Variants in NMT2 observed in about 807,000 individuals in gnomAD.
NMT2 encodes N-myristoyltransferase 2, also known as glycylpeptide N-tetradecanoyltransferase 2.
Under a neutral mutation model 65.4 loss-of-function variants are expected in NMT2, and 35 were observed. That is an observed-to-expected ratio of 0.54 (90% confidence interval 0.41 to 0.71). NMT2 has a LOEUF of 0.71. Among genes scored for constraint, NMT2 ranks in the 30% least tolerant of loss-of-function variants. The pLI is 0.00. For missense variants in NMT2, 489 were observed against 611.3 expected (o/e 0.80, Z 2.11); for synonymous variants, 226 against 231.8 (o/e 0.98, Z 0.23).
Position 15,138,257 on chromosome 10 carries a change from C to T in NMT2, c.247-2839G>A, listed in dbSNP as rs112993810. The T allele has an allele frequency of 6.6e-3, 2,781 of 424,324 alleles. 55 individuals are homozygous for T. The highest frequency in any genetic ancestry group is 0.049 in the African/African-American group (2,443 of 49,582). 26.3% of individuals were successfully genotyped at this position (424,324 alleles called of 1,614,324 possible). A position where few individuals can be genotyped will look rare whatever the true frequency, so the allele number is the denominator to read the frequency against. ...AACTCCTGACATCAAGTGATCTGCC[C>T]GCCTTGGCCTCCCAAAATGTGGTGA... On this transcript the variant is annotated intron_variant, in intron 2 of 11. Transcript: ENST00000378165.
rs1286631340 is a variant in NMT2 at position 15,107,984 on chromosome 10, AGAG to A, written c.*1208_*1210del. 4.1e-6 allele frequency: 4 copies of A among 985,558 alleles called. No individual in the cohort carries two copies. Among genetic ancestry groups the A allele is most frequent in the Non-Finnish European group, 4.8e-6 (4 of 829,808 alleles). The allele number at this position is 985,558 out of a possible 1,614,324, so 61.1% of individuals were successfully genotyped here. ...ACAGTTTTCATGATAAAATCAGCAT[AGAG>A]GAGTATGTGCAATTTTGCATAAGTA... On this transcript the variant is annotated 3_prime_UTR_variant, in exon 12 of 12. Transcript: ENST00000378165.
chr10:15,119,619 C>T (rs890914238), intron 8 of NMT2, 106 bp from the exon 9 acceptor site: 9 of 877,756 alleles, frequency 1.0e-5, no homozygotes, highest in South Asian at 4.7e-5. Flanking sequence ...GAGCAGCACG[C>T]GGGAGCTAGT....
rs912055718 is a variant in NMT2, at chr10:15,133,101, T to A, written c.554A>T (p.Asp185Val). ...GTCAAATCGGAACATATTGTCATCATCTTCTACGTAATTCTCATTTAACAA... is the reference window on the plus strand; with the variant it reads ...GTCAAATCGGAACATATTGTCATCAACTTCTACGTAATTCTCATTTAACAA... ...YTLLNENYVE[D>V]DDNMFRFDYS... Residue 185 changes from aspartate to valine, a missense_variant, in exon 5 of 12, where the codon GAT becomes GTT. Coordinates refer to ENST00000378165, the MANE Select transcript of NMT2 (RefSeq NM_004808.3). 1 of 1,614,160 alleles carries A rather than the reference T, an allele frequency of 6.2e-7. No individual in the cohort carries two copies. The highest frequency in any genetic ancestry group is 8.5e-7 in the Non-Finnish European group (1 of 1,179,970).
intron 6 of NMT2, among the ~76,000 whole-genome samples, chr10:15,131,077 C>T (rs1029648248): frequency 6.6e-6 from 1 of 151,896 alleles, no homozygotes; most frequent in Non-Finnish European, 1.5e-5. Flanking sequence ...CGTGAACCAC[C>T]CACCGCACCT....
At chr10:15,123,221 T>C (rs1202884731) in intron 8 of NMT2, among the ~76,000 whole-genome samples, 1 of 152,166 alleles carries the variant, frequency 6.6e-6, no homozygotes, top group African/African-American at 2.4e-5. Flanking sequence ...AATATTTACA[T>C]TTGCTGACTA....
rs576569153 is a variant in NMT2, at chr10:15,127,242, A to T, written c.999+1108T>A. On this transcript the variant is annotated intron_variant, in intron 8 of 11. Coordinates refer to ENST00000378165, the MANE Select transcript of NMT2 (RefSeq NM_004808.3). The stretch of plus-strand genomic sequence containing the variant: ...AGAGCGAGACTCTGTCTCAAAAAAT[A>T]AAAAAATAAAAAAAATAACTTTTCG... Among the ~76,000 whole-genome samples, 171 of 146,142 alleles carry T rather than the reference A, an allele frequency of 1.2e-3. 1 individual carries two copies. Among genetic ancestry groups the T allele is most frequent in the African/African-American group, 2.4e-3 (95 of 39,474 alleles).
chr10:15,166,973 G>A (rs959967849), intron 1 of NMT2, among the ~76,000 whole-genome samples: 2 of 152,150 alleles, frequency 1.3e-5, no homozygotes, highest in Admixed American at 1.3e-4. Flanking sequence ...TTACAGCAGA[G>A]AAGATAAAAG....
In NMT2 at chr10:15,105,995, G is replaced by T; in HGVS notation, c.*3200C>A. 1 of 419,224 alleles carries T rather than the reference G, an allele frequency of 2.4e-6. No homozygotes were observed. The highest frequency in any genetic ancestry group is 4.7e-6 in the Non-Finnish European group (1 of 212,450). 26.0% of individuals were successfully genotyped at this position (419,224 alleles called of 1,614,324 possible). A position where few individuals can be genotyped will look rare whatever the true frequency, so the allele number is the denominator to read the frequency against. ...AAAGTTTCCAACTGGCAATGCTGCAGTTATTTATTTTACTTTCGAGATAGA... is the reference window on the plus strand; with the variant it reads ...AAAGTTTCCAACTGGCAATGCTGCATTTATTTATTTTACTTTCGAGATAGA... On this transcript the variant is annotated 3_prime_UTR_variant, in exon 12 of 12. Coordinates refer to ENST00000378165, the MANE Select transcript of NMT2 (RefSeq NM_004808.3).
At chr10:15,156,144 T>C (rs1289705775) in intron 1 of NMT2, among the ~76,000 whole-genome samples, 3 of 152,142 alleles carry the variant, frequency 2.0e-5, no homozygotes, top group Non-Finnish European at 1.5e-5. Context: ...CATCCAAATC[T>C]CATATTGAAC....
intron 2 of NMT2, among the ~76,000 whole-genome samples, chr10:15,136,302 A>C (rs533602513): frequency 6.1e-5 from 9 of 148,642 alleles, no homozygotes; most frequent in African/African-American, 2.2e-4. Context: ...GAGAGAGAGA[A>C]GGAGAGAGAA....
chr10:15,139,270 A>G (rs1256355788), intron 2 of NMT2, among the ~76,000 whole-genome samples: 2 of 149,186 alleles, frequency 1.3e-5, no homozygotes, highest in Non-Finnish European at 2.9e-5. Flanking sequence ...CTATCTATCT[A>G]TCTATCTATC....
intron 8 of NMT2, among the ~76,000 whole-genome samples, chr10:15,123,303 T>C (rs570501978): frequency 6.6e-6 from 1 of 151,856 alleles, no homozygotes; most frequent in East Asian, 1.9e-4. Context: ...TCTCAGCACT[T>C]TGGGAGGCTG....
At chr10:15,164,628 G>A (rs556444331) in intron 1 of NMT2, among the ~76,000 whole-genome samples, 1 of 152,300 alleles carries the variant, frequency 6.6e-6, no homozygotes, top group Admixed American at 6.5e-5. Flanking sequence ...TGTCCTCAAT[G>A]TCCCCAAAGC....
chr10:15,119,537 A>T (rs746624997), intron 8 of NMT2, 24 bp from the exon 9 acceptor site: 4 of 1,608,402 alleles, frequency 2.5e-6, no homozygotes, highest in Non-Finnish European at 3.4e-6. Flanking sequence ...AAACAAAACA[A>T]ATCCAGAAGT....
intron 1 of NMT2, among the ~76,000 whole-genome samples, chr10:15,143,868 AC>A (rs1426107408): frequency 4.6e-5 from 7 of 152,188 alleles, no homozygotes; most frequent in African/African-American, 1.7e-4. Flanking sequence ...AACAACTACA[AC>A]AACAACACAA....
At chr10:15,109,425 A>G (rs953193547) in intron 11 of NMT2, among the ~76,000 whole-genome samples, 7 of 152,138 alleles carry the variant, frequency 4.6e-5, no homozygotes, top group African/African-American at 1.4e-4. Flanking sequence ...AAATGAAAAA[A>G]TTAGCCAGGC....
rs761165629 is a variant in NMT2, at chr10:15,133,148, T to C, written c.511-4A>G. ...ACAACGTGTATAACTCCTTGAGCTA[T>C]AAGATAAAACAAGTGTCCTATCCAT... On this transcript the variant is annotated splice_polypyrimidine_tract_variant and splice_region_variant and intron_variant, in intron 4 of 11. Coordinates refer to ENST00000378165, the MANE Select transcript of NMT2 (RefSeq NM_004808.3). 1.2e-6 allele frequency: 2 copies of C among 1,611,430 alleles called. No individual in the cohort carries two copies. Among genetic ancestry groups the C allele is most frequent in the Admixed American group, 3.3e-5 (2 of 60,008 alleles).
At chr10:15,139,910 T>C (rs1276376869) in intron 2 of NMT2, 2 of 90,576 alleles carry the variant, frequency 2.2e-5, no homozygotes, top group Non-Finnish European at 4.7e-5. Context: ...TATATATATA[T>C]GCACTGTTTT....
rs929847179 is a variant in NMT2 at position 15,106,566 on chromosome 10, C to A, written c.*2629G>T. ...TCCAAGAGAGGTCCTATATTATGTA[C>A]TACTGTGGGGCCCAGTCGCCCTCTG... On this transcript the variant is annotated 3_prime_UTR_variant, in exon 12 of 12. Coordinates refer to ENST00000378165, the MANE Select transcript of NMT2 (RefSeq NM_004808.3). 1 of 785,308 alleles carries A rather than the reference C, an allele frequency of 1.3e-6. No homozygotes were observed. Among genetic ancestry groups the A allele is most frequent in the Non-Finnish European group, 1.5e-6 (1 of 647,140 alleles). The allele number at this position is 785,308 out of a possible 1,614,324, so 48.6% of individuals were successfully genotyped here.
Sources: allele counts gnomAD v4.1 joint callset (sites outside exome capture counted in the v4.1 genomes callset), GRCh38; gene constraint gnomAD v4.1.1; transcripts MANE v1.5; gene names NCBI Gene and HGNC (gene_info 2026-07-23, HGNC 2026-07-21).